Variants in LINGO2 observed in about 807,000 individuals in gnomAD.
LINGO2 encodes leucine rich repeat and Ig domain containing 2, also known as leucine-rich repeat and immunoglobulin-like domain-containing nogo receptor-interacting protein 2.
Under a neutral mutation model 30.6 loss-of-function variants are expected in LINGO2, and 14 were observed. That is an observed-to-expected ratio of 0.46 (90% CI 0.30 to 0.72). The LOEUF (loss-of-function observed/expected upper bound fraction) is 0.72. LINGO2 is among the 30% of genes least tolerant of loss of function. The pLI is 0.07. For missense variants in LINGO2, 729 were observed against 751.7 expected, an observed-to-expected ratio of 0.97 and a Z score of 0.35; for synonymous variants, 317 against 288.5, an observed-to-expected ratio of 1.10 and a Z score of -1.00.
chr9:28,518,836 C>T (rs902523727), intron 1 of LINGO2, among the ~76,000 whole-genome samples: 4 of 152,088 alleles, frequency 2.6e-5, no homozygotes, highest in African/African-American at 9.7e-5. Flanking sequence ...TCCTGTTTAT[C>T]TTATGTCAGT....
At position 28,419,583 on chromosome 9, in the gene LINGO2, A is replaced by C. The variant is rs143917447; in HGVS notation, c.-278-46715T>G. 2.4e-3 allele frequency among the ~76,000 whole-genome samples: 353 copies of C among 146,164 alleles called. 1 individual carries two copies. The highest frequency in any genetic ancestry group is 8.3e-3 in the African/African-American group (321 of 38,740). ...ACATTTCAATCTCCTATAAGAACAAAGAAACAAATGTGGAGATAGATTAAA... is the reference window on the plus strand; with the variant it reads ...ACATTTCAATCTCCTATAAGAACAACGAAACAAATGTGGAGATAGATTAAA... On this transcript the variant is annotated intron_variant, in intron 2 of 5. Coordinates refer to ENST00000379992, the Ensembl canonical transcript of LINGO2.
intron 4 of LINGO2, among the ~76,000 whole-genome samples, chr9:28,038,283 G>A (rs1824034908): frequency 1.3e-5 from 2 of 152,116 alleles, no homozygotes; most frequent in Non-Finnish European, 2.9e-5. Context: ...GACCAGAAGG[G>A]GCCTCTAATG....
chr9:29,051,880 A>G, the LINGO2 span, among the ~76,000 whole-genome samples: 1 of 152,274 alleles, frequency 6.6e-6, no homozygotes, highest in South Asian at 2.1e-4. Context: ...TGGGAATAAT[A>G]TTGATTAATA....
the LINGO2 span, among the ~76,000 whole-genome samples, chr9:29,059,819 G>A: frequency 6.6e-6 from 1 of 151,900 alleles, no homozygotes; most frequent in Non-Finnish European, 1.5e-5. Context: ...GTCGTAGGCA[G>A]GGCACATAAT....
chr9:28,653,423 C>A (rs1828196389), intron 1 of LINGO2, among the ~76,000 whole-genome samples: 1 of 152,212 alleles, frequency 6.6e-6, no homozygotes, highest in South Asian at 2.1e-4. Flanking sequence ...TAGGCCATAG[C>A]CCAACCCAAC....
intron 1 of LINGO2, among the ~76,000 whole-genome samples, chr9:28,550,917 A>G (rs1327511042): frequency 2.6e-5 from 4 of 151,914 alleles, no homozygotes; most frequent in Non-Finnish European, 5.9e-5. Flanking sequence ...TTAAATATGT[A>G]CAAAAGAATG....
Position 27,949,554 on chromosome 9 carries a change from AG to A in LINGO2, c.1117del (p.Leu373CysfsTer49). 1 of 1,614,096 alleles carries A rather than the reference AG, an allele frequency of 6.2e-7. No individual in the cohort carries two copies. Among genetic ancestry groups the A allele is most frequent in the Non-Finnish European group, 8.5e-7 (1 of 1,179,976 alleles). On this transcript the variant is annotated frameshift_variant, in exon 6 of 6. Coordinates refer to ENST00000379992, the Ensembl canonical transcript of LINGO2. LOFTEE classifies it high-confidence loss of function. Reference sequence around the variant, plus strand: ...CATAGGTTGCTGGCCACCAAACTGCAGGGTGGGCTGTCGCTGCAAGATCCAG... The same window carrying A: ...CATAGGTTGCTGGCCACCAAACTGCAGGTGGGCTGTCGCTGCAAGATCCAG...
intron 4 of LINGO2, among the ~76,000 whole-genome samples, chr9:28,054,504 A>G (rs59770405): frequency 0.056 from 8,481 of 152,236 alleles, 379 homozygotes; most frequent in East Asian, 0.13. Context: ...TATATTAGGT[A>G]TATTAAGAAA....
At chr9:27,949,673 C>T in exon 6 of LINGO2, 2 of 1,614,098 alleles carry the variant, frequency 1.2e-6, no homozygotes, top group Non-Finnish European at 1.7e-6. Context: ...CCAAAGTTTC[C>T]AGCAGGTTCT....
In LINGO2 at chr9:28,050,716, T is replaced by C. The variant is rs1824633380; in HGVS notation, c.-86-38311A>G. On this transcript the variant is annotated intron_variant, in intron 4 of 5. Transcript: ENST00000379992. ...ATGTAGAAGAGCCCAGGCATTCCAC[T>C]GTAAGTGCTAAACACCTAAAGAGTT... 1.3e-5 allele frequency among the ~76,000 whole-genome samples: 2 copies of C among 150,994 alleles called. 1 individual carries two copies. The highest frequency in any genetic ancestry group is 4.9e-5 in the African/African-American group (2 of 40,906).
chr9:28,072,579 T>G (rs1825510673), intron 4 of LINGO2, among the ~76,000 whole-genome samples: 1 of 152,310 alleles, frequency 6.6e-6, no homozygotes, highest in Admixed American at 6.5e-5. Flanking sequence ...CCAGTAGGAC[T>G]TCAAAATATT....
Position 28,387,061 on chromosome 9 carries a change from G to T in LINGO2, c.-278-14193C>A, listed in dbSNP as rs559214191. On this transcript the variant is annotated intron_variant, in intron 2 of 5. Coordinates refer to ENST00000379992, the Ensembl canonical transcript of LINGO2. ...AGCTGGACTTCCTGGGTTGAGTGGG[G>T]ACTTGGAGAACTTTTCTGTCTAGCT... 2.9e-3 allele frequency among the ~76,000 whole-genome samples: 435 copies of T among 152,242 alleles called. 3 individuals are homozygous for T. Among genetic ancestry groups the T allele is most frequent in the African/African-American group, 9.6e-3 (400 of 41,528 alleles).
chr9:28,533,404 C>T lies in LINGO2; in HGVS notation c.-364-57379G>A, dbSNP rs541873141. On this transcript the variant is annotated intron_variant, in intron 1 of 5. Coordinates refer to ENST00000379992, the Ensembl canonical transcript of LINGO2. ...TATTGTGGGACTTCACCTTGTGATCCTGTGAGTCAACACTCCTTAAAAATC... is the reference window on the plus strand; with the variant it reads ...TATTGTGGGACTTCACCTTGTGATCTTGTGAGTCAACACTCCTTAAAAATC... 3.9e-4 allele frequency among the ~76,000 whole-genome samples: 59 copies of T among 152,224 alleles called. No individual in the cohort carries two copies. The South Asian group carries it at 5.6e-3, about 14-fold the overall frequency.
At chr9:28,002,917 G>A (rs1822035900) in intron 5 of LINGO2, among the ~76,000 whole-genome samples, 1 of 152,142 alleles carries the variant, frequency 6.6e-6, no homozygotes, top group Admixed American at 6.6e-5. Flanking sequence ...CAGTGTATGT[G>A]TGAGTGTGCC....
intron 4 of LINGO2, among the ~76,000 whole-genome samples, chr9:28,109,343 G>A (rs1260523545): frequency 6.6e-6 from 1 of 152,126 alleles, no homozygotes; most frequent in Non-Finnish European, 1.5e-5. Flanking sequence ...CCAAGACAAG[G>A]ATGCCCTCTC....
At chr9:28,940,072 T>C in the LINGO2 span, among the ~76,000 whole-genome samples, 3 of 152,204 alleles carry the variant, frequency 2.0e-5, no homozygotes, top group Non-Finnish European at 2.9e-5. Context: ...AATTTCTACA[T>C]TGCCTTGCAT....
At chr9:29,133,776 C>T in the LINGO2 span, among the ~76,000 whole-genome samples, 1 of 152,076 alleles carries the variant, frequency 6.6e-6, no homozygotes, top group South Asian at 2.1e-4. Context: ...GCTACCATTG[C>T]AACATAAATA....
At chr9:28,630,417 T>C (rs1423364743) in intron 1 of LINGO2, among the ~76,000 whole-genome samples, 2 of 152,072 alleles carry the variant, frequency 1.3e-5, no homozygotes, top group Admixed American at 1.3e-4. Flanking sequence ...ACTCAAGAAA[T>C]TGATCAGTTT....
At chr9:28,709,470 T>G in the LINGO2 span, among the ~76,000 whole-genome samples, 4 of 152,094 alleles carry the variant, frequency 2.6e-5, no homozygotes, top group African/African-American at 9.7e-5. Flanking sequence ...TTGGATGTAT[T>G]TGGGGGGAAA....
Sources: gnomAD v4.1 joint callset for allele counts (sites outside exome capture counted in the v4.1 genomes callset) on GRCh38, gnomAD v4.1.1 for gene constraint, MANE v1.5 for transcripts, NCBI Gene and HGNC (gene_info 2026-07-23, HGNC 2026-07-21) for gene names.